Variants in RSPH6A observed in about 807,000 individuals in gnomAD.
The protein encoded by RSPH6A is radial spoke head 6 homolog A.
RSPH6A carries 49 observed loss-of-function variants against 66.1 expected under a neutral mutation model. The observed-to-expected ratio is 0.74, with a 90% CI of 0.59 to 0.94. The LOEUF (loss-of-function observed/expected upper bound fraction) is 0.94, where lower values mean the gene tolerates loss of function less well. RSPH6A is among the 40% of genes least tolerant of loss of function. The pLI is 0.00. For synonymous variants in RSPH6A, 419 were observed against 402.4 expected (o/e 1.04, Z -0.49); for missense variants, 977 against 948.3 (o/e 1.03, Z -0.40).
In RSPH6A at chr19:45,815,025, TG is replaced by T; in HGVS notation, c.151del (p.Gln51SerfsTer20). On this transcript the variant is annotated frameshift_variant, in exon 1 of 6. Coordinates refer to ENST00000221538, the MANE Select transcript of RSPH6A (RefSeq NM_030785.4). LOFTEE classifies it high-confidence loss of function. ...CTGTGACCAACCAGGGGCGTTTCGC[TG>T]GGCGTCTGGAGGTATCTGCTGCCTC... The part of the protein sequence containing the change: ...EERQQIPPDA[Q>X]RNAPGWSQRG... 6.2e-7 allele frequency: 1 copy of T among 1,613,676 alleles called. No homozygotes were observed.
At chr19:45,796,151 C>A in intron 5 of RSPH6A, 45 bp from the exon 6 acceptor site, 1 of 1,383,768 alleles carries the variant, frequency 7.2e-7, no homozygotes, top group Non-Finnish European at 9.8e-7. Flanking sequence ...TCAAAGGCCC[C>A]AGACTTGACT....
chr19:45,801,729 T>C (rs1161822536), intron 4 of RSPH6A, among the ~76,000 whole-genome samples: 2 of 151,918 alleles, frequency 1.3e-5, no homozygotes, highest in African/African-American at 4.8e-5. Context: ...CACTACACCC[T>C]AGCCTGGGTG....
Position 45,800,529 on chromosome 19 carries a change from C to T in RSPH6A, c.1833G>A (p.Leu611=). The T allele has an allele frequency of 6.2e-7, 1 of 1,613,276 alleles. No individual in the cohort carries two copies. Among genetic ancestry groups the T allele is most frequent in the Non-Finnish European group, 8.5e-7 (1 of 1,179,794 alleles). The change falls in exon 5 of 6, where the codon CTG becomes CTA. Residue 611 remains leucine, a synonymous_variant. Coordinates refer to ENST00000221538, the MANE Select transcript of RSPH6A (RefSeq NM_030785.4). ...IMHLAPWTTR[L]SCSLCPQYSV... ...AGTACTGCGGGCAGAGGCTGCAGGACAGGCGGGTGGTCCAGGGTGCCAGGT... is the reference window on the plus strand; with the variant it reads ...AGTACTGCGGGCAGAGGCTGCAGGATAGGCGGGTGGTCCAGGGTGCCAGGT...
In RSPH6A at chr19:45,804,651, C is replaced by T; in HGVS notation, c.1254G>A (p.Glu418=). ...WKPPPVIPKE[E]SRSGANKYLY... ...GGTACTTGTTGGCGCCTGAGCGGCT[C>T]TCCTCCTTGGGGATCACGGGCGGCG... is the stretch of plus-strand genomic sequence containing the variant. The change falls in exon 3 of 6, where the codon GAG becomes GAA. Residue 418 remains glutamate, a synonymous_variant. Coordinates refer to ENST00000221538, the MANE Select transcript of RSPH6A (RefSeq NM_030785.4). This position sits in a 1 kb window ranked among gnomAD's most constrained non-coding sequence, Gnocchi z 5.8. 3 of 1,614,136 alleles carry T rather than the reference C, an allele frequency of 1.9e-6. No homozygotes were observed. The highest frequency in any genetic ancestry group is 2.5e-6 in the Non-Finnish European group (3 of 1,180,026).
intron 2 of RSPH6A, among the ~76,000 whole-genome samples, chr19:45,809,025 G>A (rs562593655): frequency 1.7e-5 from 2 of 114,726 alleles, no homozygotes; most frequent in African/African-American, 3.5e-5. Flanking sequence ...TTTTTGAGAC[G>A]GAGTCTCGCT....
Position 45,814,528 on chromosome 19 carries a change from G to A in RSPH6A, c.649C>T (p.Leu217=). 6.7e-7 allele frequency: 1 copy of A among 1,487,778 alleles called. No individual in the cohort carries two copies. The highest frequency in any genetic ancestry group is 8.9e-7 in the Non-Finnish European group (1 of 1,117,624). 92.2% of individuals were successfully genotyped at this position (1,487,778 alleles called of 1,614,324 possible). ...LQTSINCDLS[L]YEHLVNLLTK... Reference sequence around the variant, plus strand: ...GCCCCACTCCTAGCCCCTGCTCACAGGCTGAGGTCGCAATTGATGCTGGTC... The same window carrying A: ...GCCCCACTCCTAGCCCCTGCTCACAAGCTGAGGTCGCAATTGATGCTGGTC... The change falls in exon 1 of 6, where the codon CTG becomes TTG. Residue 217 remains leucine, a splice_region_variant and synonymous_variant. Coordinates refer to ENST00000221538, the MANE Select transcript of RSPH6A (RefSeq NM_030785.4).
At chr19:45,805,060 T>A in intron 2 of RSPH6A, 44 bp from the exon 3 acceptor site, 1 of 1,514,350 alleles carries the variant, frequency 6.6e-7, no homozygotes. Flanking sequence ...ATGCTGAAGC[T>A]CTGCTCCCTA....
chr19:45,798,098 C>T (rs752171804), intron 5 of RSPH6A, among the ~76,000 whole-genome samples: 7 of 152,060 alleles, frequency 4.6e-5, no homozygotes, highest in African/African-American at 7.2e-5. Flanking sequence ...TGGTGGCCCA[C>T]GCCTGTAATC....
Position 45,804,319 on chromosome 19 carries a change from A to G in RSPH6A, c.1586T>C (p.Ile529Thr). The change falls in exon 3 of 6, where the codon ATC (isoleucine) becomes ACC (threonine). Residue 529 changes from isoleucine (I) to threonine (T), a missense_variant. By Grantham distance (89) the Ile-to-Thr change is moderately conservative. Coordinates refer to ENST00000221538, the MANE Select transcript of RSPH6A (RefSeq NM_030785.4). The surrounding 1 kb of genome is among the most constrained non-coding windows in gnomAD (Gnocchi z 5.8). ...SYEENPDFEG[I>T]PVLELVDSMA... ...GGAGTCGACCAGCTCCAGCACGGGG[A>G]TGCCCTCGAAGTCCGGGTTCTCCTC... 4.3e-6 allele frequency: 7 copies of G among 1,614,162 alleles called. No homozygotes were observed. The highest frequency in any genetic ancestry group is 5.9e-6 in the Non-Finnish European group (7 of 1,180,016).
At chr19:45,805,703 GAA>G (rs751245173) in intron 2 of RSPH6A, among the ~76,000 whole-genome samples, 1,302 of 5,570 alleles carry the variant, frequency 0.23, 13 homozygotes, top group Middle Eastern at 0.5. Context: ...AAAAAAAAGA[GAA>G]AGAAAGAAAG....
chr19:45,811,541 G>A (rs1044091462), intron 1 of RSPH6A, among the ~76,000 whole-genome samples: 1 of 150,336 alleles, frequency 6.7e-6, no homozygotes, highest in Non-Finnish European at 1.5e-5. Flanking sequence ...GGGTTCAAGC[G>A]ATTTTCCTGC....
chr19:45,796,219 T>A, intron 5 of RSPH6A, 113 bp from the exon 6 acceptor site: 1 of 772,102 alleles, frequency 1.3e-6, no homozygotes, highest in Non-Finnish European at 1.9e-6. Context: ...AGTGGTGTGA[T>A]CTCGACTTAC....
Position 45,804,586 on chromosome 19 carries a change from C to A in RSPH6A, c.1319G>T (p.Arg440Leu). Residue 440 changes from arginine to leucine, a missense_variant, in exon 3 of 6, where the codon CGG becomes CTG. Coordinates refer to ENST00000221538, the MANE Select transcript of RSPH6A (RefSeq NM_030785.4). This position sits in a 1 kb window ranked among gnomAD's most constrained non-coding sequence, Gnocchi z 5.8. ...VCNEPGLPWTRLPHVTPAQIV... is the reference protein window; with the variant it reads ...VCNEPGLPWTLLPHVTPAQIV... Reference sequence around the variant, plus strand: ...CTGGGCTGGAGTGACGTGGGGCAGCCGCGTCCATGGCAGGCCCGGCTCGTT... The same window carrying A: ...CTGGGCTGGAGTGACGTGGGGCAGCAGCGTCCATGGCAGGCCCGGCTCGTT... 6.2e-7 allele frequency: 1 copy of A among 1,614,136 alleles called. No homozygotes were observed. The highest frequency in any genetic ancestry group is 8.5e-7 in the Non-Finnish European group (1 of 1,180,026).
At chr19:45,811,540 C>A (rs1291480278) in intron 1 of RSPH6A, among the ~76,000 whole-genome samples, 1 of 139,622 alleles carries the variant, frequency 7.2e-6, no homozygotes, top group South Asian at 2.3e-4. Flanking sequence ...TGGGTTCAAG[C>A]GATTTTCCTG....
chr19:45,797,194 G>A (rs1236354711), intron 5 of RSPH6A, among the ~76,000 whole-genome samples: 36 of 151,710 alleles, frequency 2.4e-4, no homozygotes, highest in African/African-American at 8.5e-4. Context: ...AGCTAACACG[G>A]TGAAACCCCG....
rs1166984944 is a variant in RSPH6A at position 45,800,463 on chromosome 19, A to G, written c.1899T>C (p.Tyr633=). 1 of 1,612,942 alleles carries G rather than the reference A, an allele frequency of 6.2e-7. No individual in the cohort carries two copies. The highest frequency in any genetic ancestry group is 1.3e-5 in the African/African-American group (1 of 74,904). ...VVRSNLWPGA[Y]AYASGKKFEN... ...AGACCTACTTGCCACTGGCATAGGCATAGGCCCCGGGCCAGAGGTTGGAGC... is the reference window on the plus strand; with the variant it reads ...AGACCTACTTGCCACTGGCATAGGCGTAGGCCCCGGGCCAGAGGTTGGAGC... Residue 633 remains tyrosine (Y), a synonymous_variant, in exon 5 of 6, where the codon TAT becomes TAC. Transcript: ENST00000221538.
chr19:45,805,553 G>A (rs758061666), intron 2 of RSPH6A, among the ~76,000 whole-genome samples: 22 of 152,032 alleles, frequency 1.4e-4, no homozygotes, highest in South Asian at 2.1e-4. Context: ...TTAGGCAGGC[G>A]TGATGGCAGG....
intron 4 of RSPH6A, 85 bp from the exon 5 acceptor site, chr19:45,800,648 C>A: frequency 8.4e-7 from 1 of 1,197,156 alleles, no homozygotes; most frequent in Non-Finnish European, 1.2e-6. Flanking sequence ...AGGAAGGCAG[C>A]AGTGAGGGAG....
At chr19:45,803,924 TGGA>T (rs1430136853) in intron 3 of RSPH6A, among the ~76,000 whole-genome samples, 6 of 139,872 alleles carry the variant, frequency 4.3e-5, no homozygotes, top group African/African-American at 8.1e-5. Context: ...ACCCAGGAGG[TGGA>T]GGTTGCAGTG....
Sources: allele counts gnomAD v4.1 joint callset (sites outside exome capture counted in the v4.1 genomes callset), GRCh38; gene constraint gnomAD v4.1.1; non-coding constraint Gnocchi (gnomAD v3.1); transcripts MANE v1.5; gene names NCBI Gene and HGNC (gene_info 2026-07-23, HGNC 2026-07-21).